The following STXBP4 variants were observed in gnomAD, a reference collection of about 807,000 sequenced individuals.
The protein encoded by STXBP4 is syntaxin-binding protein 4.
STXBP4 carries 55 observed loss-of-function variants against 76.1 expected under a neutral mutation model. The observed-to-expected ratio is 0.72, with a 90% CI of 0.58 to 0.91. The LOEUF (loss-of-function observed/expected upper bound fraction) is 0.91, where lower values mean the gene tolerates loss of function less well. Ranked by LOEUF, STXBP4 falls within the 40% of genes least tolerant of loss-of-function variation. The probability of loss-of-function intolerance (pLI) is 0.00; values close to 1 mark genes in which losing one functional copy is unlikely to be tolerated. For missense variants in STXBP4, 618 were observed against 636.9 expected (o/e 0.97, Z 0.32); for synonymous variants, 201 against 220.2 (o/e 0.91, Z 0.77).
Position 55,078,205 on chromosome 17 carries a change from C to T in STXBP4, c.1305+11C>T, listed in dbSNP as rs1278394428. 6.4e-7 allele frequency: 1 copy of T among 1,553,108 alleles called. No individual in the cohort carries two copies. The highest frequency in any genetic ancestry group is 8.9e-7 in the Non-Finnish European group (1 of 1,129,572). ...CTTCATTTTGTAGAGGTAAGTTTTT[C>T]TGTTCTATTACATTCATCTTTAAAA... On this transcript the variant is annotated intron_variant, in intron 14 of 17. Transcript: ENST00000376352.
At chr17:55,094,922 C>T (rs2079464625) in intron 16 of STXBP4, among the ~76,000 whole-genome samples, 1 of 152,156 alleles carries the variant, frequency 6.6e-6, no homozygotes, top group African/African-American at 2.4e-5. Context: ...AAAGCTCCCA[C>T]ATATTGTGAG....
chr17:55,119,076 G>C (rs961534868), intron 16 of STXBP4, among the ~76,000 whole-genome samples: 1 of 151,616 alleles, frequency 6.6e-6, no homozygotes, highest in Non-Finnish European at 1.5e-5. Flanking sequence ...ATTTACATTA[G>C]GTATATCTCC....
Position 55,081,197 on chromosome 17 carries a change from A to AT in STXBP4, c.1489+20dup. 2 of 1,428,028 alleles carry AT rather than the reference A, an allele frequency of 1.4e-6. No homozygotes were observed. Among genetic ancestry groups the AT allele is most frequent in the Admixed American group, 3.1e-5 (1 of 32,738 alleles). 88.5% of individuals were successfully genotyped at this position (1,428,028 alleles called of 1,614,324 possible). A position where few individuals can be genotyped will look rare whatever the true frequency, so the allele number is the denominator to read the frequency against. On this transcript the variant is annotated intron_variant, in intron 16 of 17. Coordinates refer to ENST00000376352, the MANE Select transcript of STXBP4 (RefSeq NM_178509.6). ...TTGATATGGATTGTAAGTTTTCTGC[A>AT]TTTTTTCACTTTTTAAAAGTAATTT...
At chr17:54,984,774 T>A (rs1337788648) in intron 1 of STXBP4, among the ~76,000 whole-genome samples, 1 of 152,184 alleles carries the variant, frequency 6.6e-6, no homozygotes, top group African/African-American at 2.4e-5. Flanking sequence ...CAGCTTTCTT[T>A]ACCTTAGTAT....
At chr17:55,014,831 A>AT (rs1481044455) in intron 8 of STXBP4, among the ~76,000 whole-genome samples, 2 of 152,118 alleles carry the variant, frequency 1.3e-5, no homozygotes, top group Admixed American at 1.3e-4. Flanking sequence ...AGCAAGCCCT[A>AT]TTAGGCATTC....
intron 16 of STXBP4, among the ~76,000 whole-genome samples, chr17:55,099,858 A>G (rs752701233): frequency 2.0e-5 from 3 of 152,216 alleles, no homozygotes; most frequent in East Asian, 1.9e-4. Context: ...ACCACGTACC[A>G]TCTGCTGAGA....
At chr17:55,076,224 C>A (rs2079180134) in intron 13 of STXBP4, among the ~76,000 whole-genome samples, 1 of 152,128 alleles carries the variant, frequency 6.6e-6, no homozygotes, top group East Asian at 1.9e-4. Flanking sequence ...ACTTTTAAGA[C>A]CACAAATTAG....
intron 3 of STXBP4, among the ~76,000 whole-genome samples, chr17:54,989,115 T>G (rs1315074993): frequency 1.3e-5 from 2 of 152,240 alleles, no homozygotes; most frequent in East Asian, 3.8e-4. Context: ...GAAGTAACTC[T>G]TTTTCTTTTT....
In STXBP4 at chr17:55,166,521, G is replaced by A. The variant is rs2080378229; in HGVS notation, c.*6610G>A. 1 of 152,184 alleles carries A rather than the reference G, an allele frequency of 6.6e-6. No individual in the cohort carries two copies. Among genetic ancestry groups the A allele is most frequent in the Non-Finnish European group, 1.5e-5 (1 of 68,054 alleles). The allele number at this position is 152,184 out of a possible 1,614,324, so 9.4% of individuals were successfully genotyped here. A position where few individuals can be genotyped will look rare whatever the true frequency, so the allele number is the denominator to read the frequency against. On this transcript the variant is annotated 3_prime_UTR_variant, in exon 18 of 18. Transcript: ENST00000376352. ...ATGTCTTATCACCAACAGTTGCTCA[G>A]ATATACTGTTTTCTGTCTAGGAAAC...
chr17:55,197,013 T>C, the STXBP4 span, among the ~76,000 whole-genome samples: 1 of 152,254 alleles, frequency 6.6e-6, no homozygotes, highest in South Asian at 2.1e-4. Context: ...GCCAGATCCT[T>C]AGATCTATGG....
At chr17:54,987,538 T>G (rs546920988) in intron 3 of STXBP4, among the ~76,000 whole-genome samples, 59 of 152,184 alleles carry the variant, frequency 3.9e-4, no homozygotes, top group Non-Finnish European at 6.8e-4. Flanking sequence ...TTTGTTATAT[T>G]CCTTGTTTTT....
In STXBP4 at chr17:55,071,197, C is replaced by T. The variant is rs758604870; in HGVS notation, c.1012-1703C>T. 1.8e-4 allele frequency among the ~76,000 whole-genome samples: 28 copies of T among 152,144 alleles called. 1 individual carries two copies. Among genetic ancestry groups the T allele is most frequent in the African/African-American group, 4.6e-4 (19 of 41,432 alleles). Reference sequence around the variant, plus strand: ...TTTTAAAATTTAAGTCAGATCACATCGATTCTCTGCCCAAAACCCTCCAAT... The same window carrying T: ...TTTTAAAATTTAAGTCAGATCACATTGATTCTCTGCCCAAAACCCTCCAAT... On this transcript the variant is annotated intron_variant, in intron 12 of 17. Transcript: ENST00000376352.
chr17:55,080,976 A>G, intron 15 of STXBP4, 74 bp from the exon 16 acceptor site: 1 of 1,279,442 alleles, frequency 7.8e-7, no homozygotes, highest in Non-Finnish European at 1.0e-6. Flanking sequence ...TATAACTGAT[A>G]CAACTTCAGA....
chr17:54,978,594 AG>A (rs2077503948), intron 1 of STXBP4, among the ~76,000 whole-genome samples: 1 of 152,200 alleles, frequency 6.6e-6, no homozygotes, highest in African/African-American at 2.4e-5. Context: ...AATAACATAA[AG>A]GGTAAAATGA....
At chr17:55,120,709 A>G (rs1567771242) in intron 16 of STXBP4, among the ~76,000 whole-genome samples, 1 of 152,228 alleles carries the variant, frequency 6.6e-6, no homozygotes, top group African/African-American at 2.4e-5. Context: ...TATTTTGTGC[A>G]ATAAGCAGAG....
chr17:55,113,526 G>A (rs562999343), intron 16 of STXBP4, among the ~76,000 whole-genome samples: 7 of 152,162 alleles, frequency 4.6e-5, no homozygotes, highest in African/African-American at 7.2e-5. Context: ...AGCTGTCATC[G>A]AAGTGTGGTT....
intron 12 of STXBP4, among the ~76,000 whole-genome samples, chr17:55,063,811 A>G (rs909485783): frequency 6.6e-6 from 1 of 152,220 alleles, no homozygotes; most frequent in Non-Finnish European, 1.5e-5. Flanking sequence ...AAAAACAAAT[A>G]CACATCACTA....
chr17:55,197,586 C>CAA, the STXBP4 span, among the ~76,000 whole-genome samples: 25 of 151,812 alleles, frequency 1.6e-4, no homozygotes, highest in East Asian at 5.8e-4. Context: ...TACTAAAAAT[C>CAA]AAAAAAATCA....
At chr17:55,201,668 G>A in the STXBP4 span, among the ~76,000 whole-genome samples, 3 of 152,132 alleles carry the variant, frequency 2.0e-5, no homozygotes, top group African/African-American at 7.2e-5. Flanking sequence ...TACTGCTAAG[G>A]TCGTAGCAAA....
Sources: gnomAD v4.1 joint callset for allele counts (sites outside exome capture counted in the v4.1 genomes callset) on GRCh38, gnomAD v4.1.1 for gene constraint, MANE v1.5 for transcripts, NCBI Gene and HGNC (gene_info 2026-07-23, HGNC 2026-07-21) for gene names.